Variants in SZT2 observed in about 807,000 individuals in gnomAD.
SZT2 encodes KICSTOR complex protein SZT2.
Under a neutral mutation model 404.2 loss-of-function variants are expected in SZT2, and 216 were observed. The ratio of observed to expected loss-of-function variants is 0.53; its 90% confidence interval spans 0.48 to 0.60. The LOEUF is 0.60. Ranked by LOEUF, SZT2 falls within the 20% of genes least tolerant of loss-of-function variation. The pLI, the probability that SZT2 is intolerant of heterozygous loss-of-function variation, is 0.00. For synonymous variants in SZT2, 1,693 were observed against 1,749.9 expected, an observed-to-expected ratio of 0.97 and a Z score of 0.81; for missense variants, 3,857 against 4,459.2, an observed-to-expected ratio of 0.86 and a Z score of 3.85.
At chr1:43,390,293 C>T (rs1444817871) in intron 1 of SZT2, among the ~76,000 whole-genome samples, 2 of 152,220 alleles carry the variant, frequency 1.3e-5, no homozygotes, top group Non-Finnish European at 2.9e-5. Context: ...TGTATTTTGA[C>T]TTTCTGTTGC....
chr1:43,423,021 C>T (rs1419972284), intron 14 of SZT2, 78 bp from the exon 15 acceptor site: 1 of 1,513,044 alleles, frequency 6.6e-7, no homozygotes, highest in Non-Finnish European at 8.9e-7. Context: ...AGGGCTGTGT[C>T]TCACTTTGTC....
Position 43,441,845 on chromosome 1 carries a change from G to C in SZT2, c.7742+27G>C, listed in dbSNP as rs202197255. Reference sequence around the variant, plus strand: ...TGAGTGTAGATCCTATAGAATTGAAGGGAACTCCCCTAGACTTCCTAAAAG... The same window carrying C: ...TGAGTGTAGATCCTATAGAATTGAACGGAACTCCCCTAGACTTCCTAAAAG... On this transcript the variant is annotated intron_variant, in intron 55 of 71. Transcript: ENST00000634258. This position sits in a 1 kb window ranked among gnomAD's most constrained non-coding sequence, Gnocchi z 4.8. The C allele has an allele frequency of 4.4e-5, 70 of 1,590,998 alleles. 1 individual carries two copies. The East Asian group carries it at 1.1e-3, about 25-fold the overall frequency.
chr1:43,439,642 A>G lies in SZT2; in HGVS notation c.6915A>G (p.Gly2305=). The change falls in exon 50 of 72, where the codon GGA becomes GGG. Residue 2305 remains glycine (G), a synonymous_variant. Transcript: ENST00000634258. The surrounding 1 kb of genome is among the most constrained non-coding windows in gnomAD (Gnocchi z 4.2). ...ACITLAFVDE[G]GAPLSLALWP... is the part of the protein sequence containing the mutation. ...TCACTCTAGCCTTTGTGGATGAAGG[A>G]GGGGCCCCCTTGTCACTGGCGTTGT... is the stretch of plus-strand genomic sequence containing the variant. The G allele has an allele frequency of 6.2e-7, 1 of 1,613,892 alleles. No individual in the cohort carries two copies. Among genetic ancestry groups the G allele is most frequent in the Non-Finnish European group, 8.5e-7 (1 of 1,179,860 alleles).
intron 36 of SZT2, 33 bp downstream of exon 36, chr1:43,431,934 T>G (rs1320337613): frequency 6.2e-7 from 1 of 1,611,152 alleles, no homozygotes; most frequent in Admixed American, 1.7e-5. Context: ...CAGGGTCACC[T>G]TGGGGCCCGT....
intron 1 of SZT2, among the ~76,000 whole-genome samples, chr1:43,399,057 G>A (rs1286188038): frequency 2.6e-5 from 4 of 151,874 alleles, no homozygotes; most frequent in Non-Finnish European, 5.9e-5. Context: ...TCCAGCCTAG[G>A]CGACAGAGCG....
rs116371175 is a variant in SZT2 at position 43,437,004 on chromosome 1, G to A, written c.6035-167G>A. 737 of 803,516 alleles carry A rather than the reference G, an allele frequency of 9.2e-4. 2 individuals are homozygous for A. Among genetic ancestry groups the A allele is most frequent in the Middle Eastern group, 5.9e-3 (16 of 2,734 alleles). 49.8% of individuals were successfully genotyped at this position (803,516 alleles called of 1,614,324 possible). ...ATATGACCTGTGTTCCTAAGGGCATGCATCTGCCTGGCCCTGTCGTGTTAC... is the reference window on the plus strand; with the variant it reads ...ATATGACCTGTGTTCCTAAGGGCATACATCTGCCTGGCCCTGTCGTGTTAC... On this transcript the variant is annotated intron_variant, in intron 42 of 71. Coordinates refer to ENST00000634258, the MANE Select transcript of SZT2 (RefSeq NM_001365999.1). The surrounding 1 kb of genome is among the most constrained non-coding windows in gnomAD (Gnocchi z 5.3).
intron 70 of SZT2, chr1:43,449,326 C>T (rs768527307): frequency 6.2e-6 from 1 of 160,982 alleles, no homozygotes; most frequent in East Asian, 1.9e-4. Context: ...GGAGGCATTA[C>T]AAGAGAAGAC....
At position 43,415,233 on chromosome 1, in the gene SZT2, G is replaced by C. The variant is rs1318916184; in HGVS notation, c.630+20G>C. On this transcript the variant is annotated intron_variant, in intron 5 of 71. Transcript: ENST00000634258. ...AGCCAGGTATGTAAGAGAGAAAGTG[G>C]GCAGAGGCAACTTAGAAAGAGGAGC... The C allele has an allele frequency of 6.3e-7, 1 of 1,596,474 alleles. No homozygotes were observed. Among genetic ancestry groups the C allele is most frequent in the East Asian group, 2.2e-5 (1 of 44,830 alleles).
At position 43,425,184 on chromosome 1, in the gene SZT2, A is replaced by C. The variant is rs1652988315; in HGVS notation, c.2622A>C (p.Pro874=). 6.2e-7 allele frequency: 1 copy of C among 1,614,002 alleles called. No homozygotes were observed. The highest frequency in any genetic ancestry group is 1.3e-5 in the African/African-American group (1 of 74,980). ...TCVVQYILFP[P]HSTSTKDSFS... Reference sequence around the variant, plus strand: ...TTGTCCAGTACATCCTCTTCCCCCCACACTCTACCTCCACCAAAGACAGGT... The same window carrying C: ...TTGTCCAGTACATCCTCTTCCCCCCCCACTCTACCTCCACCAAAGACAGGT... Residue 874 remains proline, a synonymous_variant, in exon 18 of 72, where the codon CCA becomes CCC. Transcript: ENST00000634258. This position sits in a 1 kb window ranked among gnomAD's most constrained non-coding sequence, Gnocchi z 4.3.
intron 4 of SZT2, among the ~76,000 whole-genome samples, chr1:43,414,297 C>A (rs1051917989): frequency 5.3e-4 from 80 of 151,716 alleles, no homozygotes; most frequent in Admixed American, 1.8e-3. Context: ...AACAAACAAA[C>A]AAAAAAAACT....
In SZT2 at chr1:43,452,709, T is replaced by C; in HGVS notation, c.*2229T>C. 1 of 620,036 alleles carries C rather than the reference T, an allele frequency of 1.6e-6. No homozygotes were observed. The highest frequency in any genetic ancestry group is 2.9e-6 in the Non-Finnish European group (1 of 350,076). The allele number at this position is 620,036 out of a possible 1,614,324, so 38.4% of individuals were successfully genotyped here. On this transcript the variant is annotated 3_prime_UTR_variant, in exon 72 of 72. Coordinates refer to ENST00000634258, the MANE Select transcript of SZT2 (RefSeq NM_001365999.1). ...CATCTACTTAGCCTTTTCCCATCTG[T>C]TTTCTGCCCCCACCATTGACCAGTA...
At position 43,453,654 on chromosome 1, in the gene SZT2, G is replaced by C; in HGVS notation, c.*3174G>C. On this transcript the variant is annotated 3_prime_UTR_variant, in exon 72 of 72. Transcript: ENST00000634258. ...CGCTTCTCGCGCGGCGCGCGCCAGC[G>C]CCTCAGGCGTCTCCGCGTACGGCCA... The C allele has an allele frequency of 6.7e-7, 1 of 1,486,498 alleles. No individual in the cohort carries two copies. Among genetic ancestry groups the C allele is most frequent in the Non-Finnish European group, 8.9e-7 (1 of 1,126,082 alleles). The allele number at this position is 1,486,498 out of a possible 1,614,324, so 92.1% of individuals were successfully genotyped here. A position where few individuals can be genotyped will look rare whatever the true frequency, so the allele number is the denominator to read the frequency against.
At position 43,441,747 on chromosome 1, in the gene SZT2, C is replaced by T. The variant is rs201311847; in HGVS notation, c.7671C>T (p.Ile2557=). 2.4e-4 allele frequency: 381 copies of T among 1,614,090 alleles called. 1 individual carries two copies. The highest frequency in any genetic ancestry group is 3.2e-4 in the Non-Finnish European group (372 of 1,180,040). The change falls in exon 55 of 72, where the codon ATC becomes ATT. Residue 2557 remains isoleucine (I), a synonymous_variant. Transcript: ENST00000634258. This position sits in a 1 kb window ranked among gnomAD's most constrained non-coding sequence, Gnocchi z 4.8. ...TGTCCCGGTTCCTCCTTCCATCCAT[C>T]CTGTCTGAGTTCACCGCACTGGTCA... is the stretch of plus-strand genomic sequence containing the variant. ...HMVSRFLLPS[I]LSEFTALVTS... is the part of the protein sequence containing the mutation.
intron 15 of SZT2, among the ~76,000 whole-genome samples, chr1:43,423,755 C>T (rs1347010537): frequency 6.4e-5 from 9 of 140,372 alleles, no homozygotes; most frequent in South Asian, 2.3e-4. Flanking sequence ...CATGGCTCAG[C>T]GAGGAATGAG....
At chr1:43,429,919 G>A (rs373865576) in intron 29 of SZT2, 75 bp downstream of exon 29, 14 of 1,610,600 alleles carry the variant, frequency 8.7e-6, no homozygotes, top group East Asian at 4.5e-5. Flanking sequence ...TCTCCTGGGC[G>A]GGGGGTATGC....
chr1:43,420,164 C>G lies in SZT2; in HGVS notation c.1102C>G (p.Arg368Gly). 1 of 1,598,364 alleles carries G rather than the reference C, an allele frequency of 6.3e-7. No individual in the cohort carries two copies. The highest frequency in any genetic ancestry group is 8.5e-7 in the Non-Finnish European group (1 of 1,179,752). ...CACTGGTCTTCCAGGCTCTCAGCAC[C>G]GCCTATTTAATGAGCACCTGGTCTC... ...NPEYYCGSQH[R>G]LFNEHLVSAS... The change falls in exon 9 of 72, where the codon CGC (arginine) becomes GGC (glycine). Residue 368 changes from arginine to glycine, a missense_variant. By Grantham distance (125) the Arg-to-Gly change is moderately radical (BLOSUM62 -2). Coordinates refer to ENST00000634258, the MANE Select transcript of SZT2 (RefSeq NM_001365999.1). This position sits in a 1 kb window ranked among gnomAD's most constrained non-coding sequence, Gnocchi z 5.1.
intron 7 of SZT2, among the ~76,000 whole-genome samples, 189 bp from the exon 8 acceptor site, chr1:43,419,545 G>T (rs965579077): frequency 6.6e-6 from 1 of 152,168 alleles, no homozygotes; most frequent in African/African-American, 2.4e-5. Context: ...GGTTAGCATG[G>T]GCATCAGACA....
chr1:43,448,033 G>A lies in SZT2; in HGVS notation c.9564-46G>A, dbSNP rs201099183. ...CAGCCTGCCCCACCCTGCCCTGTGT[G>A]TCTCTTGCTACAACCACCACTCTCC... On this transcript the variant is annotated intron_variant, in intron 68 of 71. Coordinates refer to ENST00000634258, the MANE Select transcript of SZT2 (RefSeq NM_001365999.1). The surrounding 1 kb of genome is among the most constrained non-coding windows in gnomAD (Gnocchi z 4.2). 6.2e-7 allele frequency: 1 copy of A among 1,609,674 alleles called. No individual in the cohort carries two copies. The highest frequency in any genetic ancestry group is 2.2e-5 in the East Asian group (1 of 44,764).
Position 43,442,651 on chromosome 1 carries a change from G to A in SZT2, c.8151+33G>A. 6.4e-7 allele frequency: 1 copy of A among 1,562,122 alleles called. No individual in the cohort carries two copies. The highest frequency in any genetic ancestry group is 8.7e-7 in the Non-Finnish European group (1 of 1,154,268). ...CTGCTCTGGTTCTTCCTATAGTTTT[G>A]GCTACTGAGGGGTCAGTTAAAGGAA... On this transcript the variant is annotated intron_variant, in intron 58 of 71. Transcript: ENST00000634258. This position sits in a 1 kb window ranked among gnomAD's most constrained non-coding sequence, Gnocchi z 4.5.
Sources: gnomAD v4.1 joint callset for allele counts (sites outside exome capture counted in the v4.1 genomes callset) on GRCh38, gnomAD v4.1.1 for gene constraint, Gnocchi (gnomAD v3.1) non-coding constraint, MANE v1.5 for transcripts, NCBI Gene and HGNC (gene_info 2026-07-23, HGNC 2026-07-21) for gene names.